SNTG2: variants seen among roughly 807,000 people sequenced by gnomAD.
The protein encoded by SNTG2 is syntrophin gamma 2.
SNTG2 carries 74 observed loss-of-function variants against 70.9 expected under a neutral mutation model. The observed-to-expected ratio is 1.04, with a 90% CI of 0.86 to 1.27. The LOEUF (loss-of-function observed/expected upper bound fraction) is 1.27. Among genes scored for constraint, SNTG2 ranks in the 50% most tolerant of loss-of-function variants. SNTG2 has a pLI of 0.00. For synonymous variants in SNTG2, 278 were observed against 273.8 expected (o/e 1.02, Z -0.15); for missense variants, 717 against 690.7 (o/e 1.04, Z -0.43).
chr2:998,799 T>C (rs1465267987), intron 1 of SNTG2, among the ~76,000 whole-genome samples: 1 of 152,128 alleles, frequency 6.6e-6, no homozygotes, highest in Non-Finnish European at 1.5e-5. Context: ...TCTAGAAAGA[T>C]ACATTGCAAA....
At chr2:1,246,683 A>G (rs983627251) in intron 11 of SNTG2, among the ~76,000 whole-genome samples, 1 of 152,210 alleles carries the variant, frequency 6.6e-6, no homozygotes, top group Admixed American at 6.5e-5. Context: ...TTGCTACAAA[A>G]TATGTCACAT....
chr2:1,078,370 C>A (rs1045668660), intron 1 of SNTG2, among the ~76,000 whole-genome samples: 1 of 152,134 alleles, frequency 6.6e-6, no homozygotes, highest in African/African-American at 2.4e-5. Flanking sequence ...TTTAACTGGT[C>A]AGTTAGGGAA....
At chr2:1,189,747 C>T (rs112614554) in intron 8 of SNTG2, among the ~76,000 whole-genome samples, 9 of 143,030 alleles carry the variant, frequency 6.3e-5, no homozygotes, top group African/African-American at 1.7e-4. Context: ...CGGGGTTTCA[C>T]CATGTTGGCC....
intron 1 of SNTG2, among the ~76,000 whole-genome samples, 199 bp from the exon 2 acceptor site, chr2:1,083,319 C>T (rs1403225950): frequency 1.3e-5 from 2 of 151,168 alleles, no homozygotes; most frequent in East Asian, 1.9e-4. Context: ...ACAAAAACGG[C>T]TCAGGAACAA....
At chr2:967,345 C>T (rs1660600699) in intron 1 of SNTG2, among the ~76,000 whole-genome samples, 1 of 152,174 alleles carries the variant, frequency 6.6e-6, no homozygotes, top group Non-Finnish European at 1.5e-5. Context: ...AGTAAAATGT[C>T]ACCGTATGTA....
intron 4 of SNTG2, among the ~76,000 whole-genome samples, chr2:1,109,951 A>G (rs563730737): frequency 4.6e-5 from 7 of 152,208 alleles, no homozygotes; most frequent in Non-Finnish European, 1.0e-4. Flanking sequence ...GTTCAGCGCC[A>G]GGAAGTATCC....
chr2:993,291 GT>G (rs760284254), intron 1 of SNTG2, among the ~76,000 whole-genome samples: 22 of 139,244 alleles, frequency 1.6e-4, no homozygotes, highest in Non-Finnish European at 3.0e-4. Context: ...TGATCTCATT[GT>G]GGGTTCTTTT....
chr2:1,043,574 T>C (rs11127449), intron 1 of SNTG2, among the ~76,000 whole-genome samples: 45,900 of 152,064 alleles, frequency 0.3, 7,270 homozygotes, highest in African/African-American at 0.37. Context: ...TAATCCATCT[T>C]AAGTTGATTT....
intron 12 of SNTG2, 61 bp downstream of exon 12, chr2:1,247,504 G>A: frequency 8.5e-7 from 1 of 1,179,348 alleles, no homozygotes; most frequent in Non-Finnish European, 1.3e-6. Flanking sequence ...CCTGTAGGAG[G>A]GGGAAAGCTA....
intron 16 of SNTG2, among the ~76,000 whole-genome samples, chr2:1,356,196 A>G (rs9750263): frequency 6.6e-6 from 1 of 151,996 alleles, no homozygotes; most frequent in Non-Finnish European, 1.5e-5. Flanking sequence ...GTTGACGTGG[A>G]CCCAAATGTC....
At chr2:1,083,001 C>G (rs971088771) in intron 1 of SNTG2, among the ~76,000 whole-genome samples, 4 of 152,190 alleles carry the variant, frequency 2.6e-5, no homozygotes, top group Non-Finnish European at 5.9e-5. Flanking sequence ...GACACAGCAG[C>G]AGCCCCTGCA....
chr2:1,287,776 C>T (rs943527246), intron 14 of SNTG2, among the ~76,000 whole-genome samples: 7 of 152,178 alleles, frequency 4.6e-5, no homozygotes, highest in Non-Finnish European at 7.3e-5. Flanking sequence ...AAGAGTCTGC[C>T]GTCATGAAAA....
chr2:1,199,285 T>C (rs1558521330), intron 8 of SNTG2, among the ~76,000 whole-genome samples: 1 of 151,594 alleles, frequency 6.6e-6, no homozygotes, highest in Non-Finnish European at 1.5e-5. Context: ...AAAAACCATA[T>C]GACCATCTCA....
intron 1 of SNTG2, among the ~76,000 whole-genome samples, chr2:982,749 TC>T: frequency 6.6e-6 from 1 of 152,300 alleles, no homozygotes; most frequent in African/African-American, 2.4e-5. Flanking sequence ...ACTCAGCACC[TC>T]GGGTTAGTAT....
At chr2:1,295,650 G>A (rs746925834) in intron 14 of SNTG2, among the ~76,000 whole-genome samples, 2 of 152,020 alleles carry the variant, frequency 1.3e-5, no homozygotes, top group African/African-American at 4.8e-5. Context: ...GTTGGGGTAC[G>A]AGGGTCAGGC....
chr2:1,266,621 A>C (rs1043018874), intron 13 of SNTG2, among the ~76,000 whole-genome samples: 3 of 152,056 alleles, frequency 2.0e-5, no homozygotes, highest in African/African-American at 7.2e-5. Flanking sequence ...CAAGGAGAGG[A>C]AGAGCCAGTA....
intron 16 of SNTG2, 46 bp from the exon 17 acceptor site, chr2:1,367,297 T>C: frequency 6.7e-7 from 1 of 1,485,996 alleles, no homozygotes; most frequent in Non-Finnish European, 9.0e-7. Flanking sequence ...TGTAACGTGT[T>C]CTTCCAACAA....
chr2:1,248,692 A>G (rs1468581727), intron 12 of SNTG2, among the ~76,000 whole-genome samples: 1 of 152,190 alleles, frequency 6.6e-6, no homozygotes, highest in African/African-American at 2.4e-5. Context: ...ATGCCAGCTC[A>G]TCTCAGAGGT....
At chr2:977,243 A>T (rs546902002) in intron 1 of SNTG2, among the ~76,000 whole-genome samples, 2 of 152,362 alleles carry the variant, frequency 1.3e-5, no homozygotes, top group South Asian at 4.1e-4. Context: ...AATATTATGT[A>T]AGAAACCATT....
Sources: allele counts gnomAD v4.1 joint callset (sites outside exome capture counted in the v4.1 genomes callset), GRCh38; gene constraint gnomAD v4.1.1; transcripts MANE v1.5; gene names NCBI Gene and HGNC (gene_info 2026-07-23, HGNC 2026-07-21).